The following GRIK4 variants were observed in gnomAD, a reference collection of about 807,000 sequenced individuals.
The protein encoded by GRIK4 is glutamate ionotropic receptor kainate type subunit 4, also known as glutamate receptor ionotropic, kainate 4.
A neutral mutation model predicts 104.9 loss-of-function variants in GRIK4; 40 were observed. The ratio of observed to expected loss-of-function variants is 0.38; its 90% confidence interval spans 0.30 to 0.50. The LOEUF is 0.50. GRIK4 is among the 20% of genes least tolerant of loss of function. The pLI is 0.93. For missense variants in GRIK4, 1,047 were observed against 1,308.1 expected (o/e 0.80, Z 3.08); for synonymous variants, 485 against 524.9 (o/e 0.92, Z 1.04).
At chr11:120,880,886 C>T (rs1954951729) in intron 11 of GRIK4, among the ~76,000 whole-genome samples, 1 of 152,192 alleles carries the variant, frequency 6.6e-6, no homozygotes, top group Non-Finnish European at 1.5e-5. Context: ...TTTTTGAGCA[C>T]CTTCTCTGTG....
intron 19 of GRIK4, among the ~76,000 whole-genome samples, chr11:120,977,745 T>C (rs1224091692): frequency 6.6e-6 from 1 of 152,140 alleles, no homozygotes; most frequent in Non-Finnish European, 1.5e-5. Context: ...TGACTCATGG[T>C]TTCTACCAGC....
At chr11:120,775,672 C>T (rs562032486) in intron 3 of GRIK4, among the ~76,000 whole-genome samples, 126 of 152,320 alleles carry the variant, frequency 8.3e-4, no homozygotes, top group African/African-American at 2.7e-3. Flanking sequence ...GACTAATACC[C>T]GTCATATTCA....
chr11:120,516,995 GC>G (rs1441445014), intron 1 of GRIK4, among the ~76,000 whole-genome samples: 1 of 128,958 alleles, frequency 7.8e-6, no homozygotes, highest in Non-Finnish European at 1.7e-5. Flanking sequence ...CCGGGGGCCA[GC>G]TTAAGGCATC....
intron 8 of GRIK4, among the ~76,000 whole-genome samples, chr11:120,842,005 G>T (rs557279434): frequency 6.6e-6 from 1 of 152,168 alleles, no homozygotes; most frequent in East Asian, 1.9e-4. Flanking sequence ...AGGAGCTTAT[G>T]AGCTGGGACC....
At chr11:120,607,605 AGTTTGG>A (rs1022725089) in intron 1 of GRIK4, among the ~76,000 whole-genome samples, 6 of 151,952 alleles carry the variant, frequency 3.9e-5, no homozygotes, top group African/African-American at 1.5e-4. Flanking sequence ...TGCCATGTTG[AGTTTGG>A]GGTGCCTGTA....
chr11:120,949,037 G>A (rs1478450251), intron 14 of GRIK4, among the ~76,000 whole-genome samples: 1 of 152,184 alleles, frequency 6.6e-6, no homozygotes, highest in Non-Finnish European at 1.5e-5. Flanking sequence ...TGACTGCCTG[G>A]CTCCGGTGTC....
intron 3 of GRIK4, among the ~76,000 whole-genome samples, chr11:120,662,556 G>A (rs1053087678): frequency 2.0e-5 from 3 of 152,162 alleles, no homozygotes; most frequent in South Asian, 4.2e-4. Context: ...GATGGGAAGA[G>A]AAGTGGGTCA....
At chr11:120,959,440 A>G (rs1041401647) in intron 16 of GRIK4, among the ~76,000 whole-genome samples, 1 of 152,240 alleles carries the variant, frequency 6.6e-6, no homozygotes, top group Non-Finnish European at 1.5e-5. Context: ...CAAGTTGCCA[A>G]GTTCTGTGTG....
chr11:120,777,936 CAAAAAAAAAAAAG>C (rs1952075135), intron 3 of GRIK4, among the ~76,000 whole-genome samples: 1 of 112,294 alleles, frequency 8.9e-6, no homozygotes, highest in Admixed American at 9.0e-5. Flanking sequence ...GACTCCATCT[CAAAAAAAAAAAAG>C]AAAAAAAAAA....
chr11:120,985,627 CAA>C (rs34882153), intron 20 of GRIK4, among the ~76,000 whole-genome samples: 4 of 113,934 alleles, frequency 3.5e-5, no homozygotes, highest in African/African-American at 7.3e-5. Flanking sequence ...TGGAAATGTG[CAA>C]AAAAAAAAAA....
At chr11:120,531,399 AATC>A (rs1203723309) in intron 1 of GRIK4, among the ~76,000 whole-genome samples, 1 of 152,038 alleles carries the variant, frequency 6.6e-6, no homozygotes, top group African/African-American at 2.4e-5. Context: ...CTGCCCAAAT[AATC>A]ATTTAGACAC....
At chr11:120,920,288 C>T (rs75672383) in intron 13 of GRIK4, among the ~76,000 whole-genome samples, 6,977 of 152,042 alleles carry the variant, frequency 0.046, 170 homozygotes, top group South Asian at 0.081. Context: ...TGTGAGTGTT[C>T]GCTCTCTCCT....
At chr11:120,836,281 G>A (rs887300353) in intron 7 of GRIK4, among the ~76,000 whole-genome samples, 4 of 152,096 alleles carry the variant, frequency 2.6e-5, no homozygotes, top group African/African-American at 7.2e-5. Context: ...TTAGCCTTTC[G>A]TTGTGTCAGT....
chr11:120,580,196 G>GTTCTTTCTTTCTTTCTTTCT (rs71301639), intron 1 of GRIK4, among the ~76,000 whole-genome samples: 30 of 133,210 alleles, frequency 2.3e-4, no homozygotes, highest in East Asian at 2.0e-3. Context: ...GAGTACAAGG[G>GTTCTTTCTTTCTTTCTTTCT]TTCTTTCTTT....
intron 3 of GRIK4, among the ~76,000 whole-genome samples, chr11:120,691,446 T>C (rs796664857): frequency 1.3e-5 from 2 of 152,198 alleles, no homozygotes; most frequent in Admixed American, 6.5e-5. Flanking sequence ...TATTGCCCCA[T>C]CTTTGCAGTT....
At chr11:120,753,195 A>C (rs1951587573) in intron 3 of GRIK4, among the ~76,000 whole-genome samples, 1 of 152,156 alleles carries the variant, frequency 6.6e-6, no homozygotes, top group Admixed American at 6.5e-5. Flanking sequence ...AATGCAGGTG[A>C]ATTGGAAGAA....
At chr11:120,745,145 C>T (rs1008202833) in intron 3 of GRIK4, among the ~76,000 whole-genome samples, 1 of 152,172 alleles carries the variant, frequency 6.6e-6, no homozygotes, top group Non-Finnish European at 1.5e-5. Context: ...CTCCAGTTTT[C>T]ATCCTGGTCA....
At chr11:120,753,811 C>T (rs1667318683) in intron 3 of GRIK4, among the ~76,000 whole-genome samples, 1 of 152,132 alleles carries the variant, frequency 6.6e-6, no homozygotes, top group South Asian at 2.1e-4. Flanking sequence ...ATTTACATAA[C>T]ATATAATGCA....
chr11:120,866,424 C>T (rs184612499), intron 9 of GRIK4, among the ~76,000 whole-genome samples: 63 of 152,292 alleles, frequency 4.1e-4, no homozygotes, highest in Admixed American at 9.1e-4. Context: ...GCAGGGGTCC[C>T]GTGCTGACTT....
Sources: gnomAD v4.1 joint callset for allele counts (sites outside exome capture counted in the v4.1 genomes callset) on GRCh38, gnomAD v4.1.1 for gene constraint, MANE v1.5 for transcripts, NCBI Gene and HGNC (gene_info 2026-07-23, HGNC 2026-07-21) for gene names.